Variants in PHLPP1 observed in about 807,000 individuals in gnomAD.
PHLPP1 encodes PH domain leucine-rich repeat-containing protein phosphatase 1.
Under a neutral mutation model 117.2 loss-of-function variants are expected in PHLPP1, and 42 were observed. The observed-to-expected ratio is 0.36, with a 90% confidence interval of 0.28 to 0.46. The LOEUF (loss-of-function observed/expected upper bound fraction) is 0.46, where lower values mean the gene tolerates loss of function less well. Among genes scored for constraint, PHLPP1 ranks in the 20% least tolerant of loss-of-function variants. The probability of loss-of-function intolerance (pLI) is 1.00; values close to 1 mark genes in which losing one functional copy is unlikely to be tolerated. For synonymous variants in PHLPP1, 1,042 were observed against 970.7 expected (o/e 1.07, Z -1.37); for missense variants, 2,084 against 2,241.9 (o/e 0.93, Z 1.42).
chr18:62,739,834 AAAG>A (rs2122071991), intron 1 of PHLPP1, among the ~76,000 whole-genome samples: 1 of 152,292 alleles, frequency 6.6e-6, no homozygotes, highest in African/African-American at 2.4e-5. Flanking sequence ...ATTAGAAGGT[AAAG>A]AAGAGTCACA....
At chr18:62,786,595 A>G (rs1372458509) in intron 1 of PHLPP1, among the ~76,000 whole-genome samples, 1 of 152,214 alleles carries the variant, frequency 6.6e-6, no homozygotes, top group Non-Finnish European at 1.5e-5. Context: ...TTCTTGATCA[A>G]TATTAAGGAG....
intron 1 of PHLPP1, among the ~76,000 whole-genome samples, chr18:62,787,008 C>G (rs1913306787): frequency 6.6e-6 from 1 of 152,262 alleles, no homozygotes; most frequent in East Asian, 1.9e-4. Flanking sequence ...TAGAATACCT[C>G]TAAAGCGTGC....
rs1555677083 is a variant in PHLPP1 at position 62,849,832 on chromosome 18, A to AAAATATATAT, written c.1900-10602_1900-10601insAATATATATA. 2.4e-4 allele frequency among the ~76,000 whole-genome samples: 8 copies of AAAATATATAT among 33,072 alleles called. 1 individual carries two copies. The highest frequency in any genetic ancestry group is 3.7e-4 in the Non-Finnish European group (7 of 19,016). The allele number at this position is 33,072 out of a possible 152,430, so 21.7% of individuals were successfully genotyped here. The stretch of plus-strand genomic sequence containing the variant: ...AAAAAAAAAAAAAAAAAAAAAAAAA[A>AAAATATATAT]ATATATATATCCTTTAAAGTTTAGT... On this transcript the variant is annotated intron_variant, in intron 3 of 16. Coordinates refer to ENST00000262719, the MANE Select transcript of PHLPP1 (RefSeq NM_194449.4).
At chr18:62,859,007 G>C (rs1915565397) in intron 3 of PHLPP1, among the ~76,000 whole-genome samples, 1 of 152,104 alleles carries the variant, frequency 6.6e-6, no homozygotes, top group Non-Finnish European at 1.5e-5. Flanking sequence ...GTGGTGCTGG[G>C]CTATGAATCT....
intron 14 of PHLPP1, among the ~76,000 whole-genome samples, chr18:62,963,827 A>G (rs1009012851): frequency 6.6e-6 from 1 of 152,210 alleles, no homozygotes; most frequent in African/African-American, 2.4e-5. Flanking sequence ...ACCAAGCAAA[A>G]CAGAGATAGT....
chr18:62,888,906 T>C (rs553802322), intron 4 of PHLPP1, among the ~76,000 whole-genome samples: 1 of 152,220 alleles, frequency 6.6e-6, no homozygotes. Flanking sequence ...TTATCTCTCA[T>C]AACTTAAACA....
intron 10 of PHLPP1, among the ~76,000 whole-genome samples, chr18:62,928,801 G>A (rs1909723087): frequency 6.6e-6 from 1 of 152,144 alleles, no homozygotes; most frequent in African/African-American, 2.4e-5. Context: ...ATAGATAGTG[G>A]AATATTATTC....
chr18:62,836,718 G>A lies in PHLPP1; in HGVS notation c.1774-2066G>A, dbSNP rs116260101. On this transcript the variant is annotated intron_variant, in intron 2 of 16. Transcript: ENST00000262719. ...GTAAAAGTTACCTGTAAAGCTATAT[G>A]GGCCTGATTTTTTTTGAGACATTAA... 9.3e-3 allele frequency among the ~76,000 whole-genome samples: 1,404 copies of A among 150,894 alleles called. 27 individuals carry two copies. The highest frequency in any genetic ancestry group is 0.033 in the African/African-American group (1,342 of 41,094).
At chr18:62,959,995 A>G (rs1330771118) in intron 13 of PHLPP1, among the ~76,000 whole-genome samples, 2 of 152,188 alleles carry the variant, frequency 1.3e-5, no homozygotes, top group Admixed American at 6.5e-5. Flanking sequence ...GAGAAAAAAA[A>G]TGGCCTACGT....
chr18:62,773,244 A>G (rs1487485811), intron 1 of PHLPP1, among the ~76,000 whole-genome samples: 1 of 152,290 alleles, frequency 6.6e-6, no homozygotes, highest in African/African-American at 2.4e-5. Flanking sequence ...CATGTTTCAC[A>G]GGTTTTAGCT....
intron 1 of PHLPP1, among the ~76,000 whole-genome samples, chr18:62,804,663 C>G (rs975948559): frequency 2.6e-5 from 4 of 151,818 alleles, no homozygotes; most frequent in Non-Finnish European, 5.9e-5. Flanking sequence ...TTACAGTTAT[C>G]TTTTTTTTCT....
intron 3 of PHLPP1, among the ~76,000 whole-genome samples, chr18:62,851,739 G>C (rs952591273): frequency 6.6e-6 from 1 of 151,914 alleles, no homozygotes; most frequent in South Asian, 2.1e-4. Flanking sequence ...GATTACAGGC[G>C]TGAGCCACTG....
intron 12 of PHLPP1, among the ~76,000 whole-genome samples, chr18:62,946,411 G>A (rs577281057): frequency 7.9e-5 from 12 of 152,124 alleles, no homozygotes; most frequent in South Asian, 2.1e-4. Flanking sequence ...GATTACAGGC[G>A]CCTGCCACCA....
rs1163484555 is a variant in PHLPP1 at position 62,716,670 on chromosome 18, C to T, written c.987C>T (p.Phe329=). Residue 329 remains phenylalanine (F), a synonymous_variant, in exon 1 of 17, where the codon TTC becomes TTT. Coordinates refer to ENST00000262719, the MANE Select transcript of PHLPP1 (RefSeq NM_194449.4). The surrounding 1 kb of genome is among the most constrained non-coding windows in gnomAD (Gnocchi z 5.7). ...CGGACTCCAGCCCCGGCGAGCCGTT[C>T]GTTGGGGGCCCTGTCTCTTCGCCCC... ...APSDSSPGEP[F]VGGPVSSPRA... 3.5e-6 allele frequency: 5 copies of T among 1,443,056 alleles called. No individual in the cohort carries two copies. Among genetic ancestry groups the T allele is most frequent in the Non-Finnish European group, 4.5e-6 (5 of 1,099,910 alleles). The allele number at this position is 1,443,056 out of a possible 1,614,324, so 89.4% of individuals were successfully genotyped here. A position where few individuals can be genotyped will look rare whatever the true frequency, so the allele number is the denominator to read the frequency against.
intron 3 of PHLPP1, among the ~76,000 whole-genome samples, chr18:62,849,367 TA>T (rs1278150570): frequency 7.2e-5 from 11 of 152,020 alleles, no homozygotes; most frequent in Non-Finnish European, 1.5e-4. Context: ...TTTAAATATA[TA>T]TCTACCAGGC....
At chr18:62,832,092 T>C (rs1015911431) in intron 2 of PHLPP1, 1 of 152,258 alleles carries the variant, frequency 6.6e-6, no homozygotes, top group Non-Finnish European at 1.5e-5. Context: ...GTCTCTCTCT[T>C]TGTGATGCTG....
chr18:62,928,757 T>C (rs1203855984), intron 10 of PHLPP1, among the ~76,000 whole-genome samples: 1 of 152,244 alleles, frequency 6.6e-6, no homozygotes, highest in African/African-American at 2.4e-5. Context: ...CTCAAATGTC[T>C]ACCACTTGAT....
chr18:62,905,257 A>C lies in PHLPP1; in HGVS notation c.2681A>C (p.Asn894Thr). 1 of 1,548,386 alleles carries C rather than the reference A, an allele frequency of 6.5e-7. No homozygotes were observed. The highest frequency in any genetic ancestry group is 1.3e-5 in the South Asian group (1 of 74,766). Residue 894 changes from asparagine to threonine, a missense_variant, in exon 8 of 17, where the codon AAT becomes ACT. Physicochemically the swap from Asn to Thr is moderately conservative, Grantham distance 65. Transcript: ENST00000262719. ...LVQLDVYPVPNYLSYMDVSRN... is the reference protein window; with the variant it reads ...LVQLDVYPVPTYLSYMDVSRN... ...CAACTTGATGTTTACCCAGTTCCAA[A>C]TTATCTGTCCTACATGGATGTTTCA...
chr18:62,855,181 A>G (rs1915461967), intron 3 of PHLPP1, among the ~76,000 whole-genome samples: 1 of 152,208 alleles, frequency 6.6e-6, no homozygotes, highest in Non-Finnish European at 1.5e-5. Flanking sequence ...AATGTTAACT[A>G]TTATTATTGT....
Sources: gnomAD v4.1 joint callset for allele counts (sites outside exome capture counted in the v4.1 genomes callset) on GRCh38, gnomAD v4.1.1 for gene constraint, Gnocchi (gnomAD v3.1) non-coding constraint, MANE v1.5 for transcripts, NCBI Gene and HGNC (gene_info 2026-07-23, HGNC 2026-07-21) for gene names.